The following SMARCC1 variants were observed in gnomAD, a reference collection of about 807,000 sequenced individuals.
The protein encoded by SMARCC1 is SWI/SNF related BAF chromatin remodeling complex subunit C1.
Under a neutral mutation model 147.4 loss-of-function variants are expected in SMARCC1, and 43 were observed. The ratio of observed to expected loss-of-function variants is 0.29; its 90% CI spans 0.23 to 0.38. The LOEUF is 0.38. Among genes scored for constraint, SMARCC1 ranks in the 10% least tolerant of loss-of-function variants. The pLI, the probability that SMARCC1 is intolerant of heterozygous loss-of-function variation, is 1.00. For synonymous variants in SMARCC1, 495 were observed against 484.4 expected (o/e 1.02, Z -0.29); for missense variants, 1,119 against 1,381.1 (o/e 0.81, Z 3.01).
At chr3:47,670,312 G>C (rs2033478396) in intron 19 of SMARCC1, 1 of 266,256 alleles carries the variant, frequency 3.8e-6, no homozygotes, top group Non-Finnish European at 7.1e-6. Flanking sequence ...GCTAGTCACA[G>C]GCCAGGCACA....
chr3:47,660,444 TAAAAAAA>T (rs71070206), intron 21 of SMARCC1, among the ~76,000 whole-genome samples: 2 of 67,322 alleles, frequency 3.0e-5, no homozygotes, highest in African/African-American at 7.4e-5. Flanking sequence ...AGACTCTGTC[TAAAAAAA>T]AAAAAAAAAA....
chr3:47,597,325 T>A (rs2032301265), intron 26 of SMARCC1, among the ~76,000 whole-genome samples: 1 of 151,978 alleles, frequency 6.6e-6, no homozygotes, highest in Admixed American at 6.6e-5. Flanking sequence ...TCAGCTAATT[T>A]ATTTATTTAT....
At chr3:47,716,510 T>A (rs780652549) in intron 7 of SMARCC1, among the ~76,000 whole-genome samples, 3 of 151,760 alleles carry the variant, frequency 2.0e-5, no homozygotes, top group African/African-American at 7.3e-5. Flanking sequence ...CAGGCCATAG[T>A]TAATTTTTAA....
At chr3:47,698,005 C>CAAAA (rs71070213) in intron 11 of SMARCC1, among the ~76,000 whole-genome samples, 162 of 12,482 alleles carry the variant, frequency 0.013, 48 homozygotes, top group Non-Finnish European at 0.016. Flanking sequence ...GCCTCCGCCT[C>CAAAA]AAAAAAAAAA....
At chr3:47,737,336 G>A (rs1327408912) in intron 4 of SMARCC1, among the ~76,000 whole-genome samples, 2 of 152,266 alleles carry the variant, frequency 1.3e-5, no homozygotes, top group Middle Eastern at 3.4e-3. Context: ...CAAAGCTGCA[G>A]TGAGCCTAGC....
chr3:47,590,548 T>A (rs564404432), intron 27 of SMARCC1, 113 bp downstream of exon 27: 2 of 863,920 alleles, frequency 2.3e-6, no homozygotes, highest in Non-Finnish European at 3.3e-6. Context: ...TGTCACAGAC[T>A]GCATCATCCA....
At chr3:47,665,966 T>C (rs907549827) in intron 19 of SMARCC1, among the ~76,000 whole-genome samples, 1 of 152,096 alleles carries the variant, frequency 6.6e-6, no homozygotes, top group Non-Finnish European at 1.5e-5. Flanking sequence ...TATAATTACC[T>C]TTCTATAGTA....
chr3:47,733,202 G>A (rs1323722181), intron 5 of SMARCC1, among the ~76,000 whole-genome samples: 1 of 152,236 alleles, frequency 6.6e-6, no homozygotes, highest in Non-Finnish European at 1.5e-5. Context: ...AGCACATGCT[G>A]TTGGGAAAAT....
Position 47,764,053 on chromosome 3 carries a change from T to C in SMARCC1, c.315+8764A>G, listed in dbSNP as rs1269981199. On this transcript the variant is annotated intron_variant, in intron 2 of 27. Transcript: ENST00000254480. ...AGGAAAAAAAAAAGAGAAAGAGATA[T>C]TGATGGGATTTCGCTCTATCACTCA... Among the ~76,000 whole-genome samples, 3 of 151,856 alleles carry C rather than the reference T, an allele frequency of 2.0e-5. No homozygotes were observed. The East Asian group carries it at 5.8e-4, about 29-fold the overall frequency.
At chr3:47,650,594 T>C (rs1210991219) in intron 21 of SMARCC1, among the ~76,000 whole-genome samples, 1 of 152,030 alleles carries the variant, frequency 6.6e-6, no homozygotes, top group Non-Finnish European at 1.5e-5. Context: ...GGTGGGATGA[T>C]GGCTTGAGCT....
chr3:47,629,364 A>G (rs1457967834), intron 24 of SMARCC1, among the ~76,000 whole-genome samples: 1 of 152,162 alleles, frequency 6.6e-6, no homozygotes, highest in Non-Finnish European at 1.5e-5. Context: ...GCCATGAGAG[A>G]TCTATTTTTC....
At chr3:47,638,100 G>A (rs561173107) in intron 22 of SMARCC1, among the ~76,000 whole-genome samples, 1 of 152,200 alleles carries the variant, frequency 6.6e-6, no homozygotes, top group African/African-American at 2.4e-5. Flanking sequence ...AACTTTTGTT[G>A]TTGTTGTTGA....
intron 8 of SMARCC1, among the ~76,000 whole-genome samples, chr3:47,712,282 T>C (rs556750164): frequency 7.3e-5 from 11 of 151,464 alleles, no homozygotes; most frequent in Admixed American, 2.6e-4. Context: ...AGTATATAAA[T>C]AGAGGCTTAA....
intron 2 of SMARCC1, among the ~76,000 whole-genome samples, chr3:47,754,958 G>A (rs1280634832): frequency 3.3e-5 from 5 of 152,250 alleles, no homozygotes; most frequent in Admixed American, 6.5e-5. Flanking sequence ...CAGGAGAATC[G>A]CTTGAACCCA....
chr3:47,696,805 G>A (rs754254115), intron 11 of SMARCC1, among the ~76,000 whole-genome samples: 1 of 152,168 alleles, frequency 6.6e-6, no homozygotes, highest in East Asian at 1.9e-4. Context: ...TTACAGGCAT[G>A]AGCCACCGCG....
At chr3:47,760,996 A>G (rs2034766581) in intron 2 of SMARCC1, among the ~76,000 whole-genome samples, 1 of 151,672 alleles carries the variant, frequency 6.6e-6, no homozygotes, top group Non-Finnish European at 1.5e-5. Context: ...AGCTGGGTGT[A>G]GTGGTGCACA....
intron 2 of SMARCC1, among the ~76,000 whole-genome samples, chr3:47,747,693 C>T (rs988486291): frequency 6.6e-6 from 1 of 151,714 alleles, no homozygotes; most frequent in Admixed American, 6.6e-5. Context: ...ATGCCTGTAA[C>T]CCCAGTACTC....
rs139364555 is a variant in SMARCC1 at position 47,686,750 on chromosome 3, T to G, written c.1264-580A>C. On this transcript the variant is annotated intron_variant, in intron 13 of 27. Coordinates refer to ENST00000254480, the MANE Select transcript of SMARCC1 (RefSeq NM_003074.4). The stretch of plus-strand genomic sequence containing the variant: ...CCTGTAATTCCAACACTTGGGAGGC[T>G]GAGGCAGGAGGATCACTTGAGACCA... Among the ~76,000 whole-genome samples the G allele has an allele frequency of 5.9e-5, 9 of 152,298 alleles. No individual in the cohort carries two copies. In the East Asian group the frequency reaches 1.7e-3, roughly 29 times the overall value.
chr3:47,699,909 CT>C (rs1358444163), intron 11 of SMARCC1, among the ~76,000 whole-genome samples: 1 of 151,412 alleles, frequency 6.6e-6, no homozygotes. Context: ...TTTTCCTAGG[CT>C]TTTTTTTAAT....
Sources: gnomAD v4.1 joint callset for allele counts (sites outside exome capture counted in the v4.1 genomes callset) on GRCh38, gnomAD v4.1.1 for gene constraint, MANE v1.5 for transcripts, NCBI Gene and HGNC (gene_info 2026-07-23, HGNC 2026-07-21) for gene names.